Variants in VAV2 observed in about 807,000 individuals in gnomAD.
VAV2 encodes guanine nucleotide exchange factor VAV2.
Under a neutral mutation model 132.5 loss-of-function variants are expected in VAV2, and 67 were observed. The ratio of observed to expected loss-of-function variants is 0.51; its 90% confidence interval spans 0.42 to 0.62. The LOEUF (loss-of-function observed/expected upper bound fraction) is 0.62, where lower values mean the gene tolerates loss of function less well. Among genes scored for constraint, VAV2 ranks in the 20% least tolerant of loss-of-function variants. The probability of loss-of-function intolerance (pLI) is 0.00; values close to 1 mark genes in which losing one functional copy is unlikely to be tolerated. For missense variants in VAV2, 938 were observed against 1,153.6 expected, an observed-to-expected ratio of 0.81 and a Z score of 2.71; for synonymous variants, 492 against 443.5, an observed-to-expected ratio of 1.11 and a Z score of -1.37.
At chr9:133,853,006 C>A (rs945500541) in intron 3 of VAV2, among the ~76,000 whole-genome samples, 5 of 152,336 alleles carry the variant, frequency 3.3e-5, no homozygotes, top group African/African-American at 1.2e-4. Context: ...GAAAACCCCA[C>A]ACACAAGATG....
At chr9:133,925,209 A>G (rs750754476) in intron 2 of VAV2, among the ~76,000 whole-genome samples, 46 of 152,168 alleles carry the variant, frequency 3.0e-4, no homozygotes, top group Non-Finnish European at 5.9e-5. Flanking sequence ...TTATTTTATC[A>G]CAATAATTTT....
Position 133,788,033 on chromosome 9 carries a change from T to G in VAV2, c.1407+321A>C, listed in dbSNP as rs1392997456. 2.0e-5 allele frequency among the ~76,000 whole-genome samples: 3 copies of G among 152,174 alleles called. No individual in the cohort carries two copies. The East Asian group carries it at 5.8e-4, about 29-fold the overall frequency. ...CCAGATGGAAAGCCAAGGTTGAAAG[T>G]CCCACCCTCACTAGAGGCCTTGGGG... is the stretch of plus-strand genomic sequence containing the variant. On this transcript the variant is annotated intron_variant, in intron 15 of 29. Transcript: ENST00000371850. This position sits in a 1 kb window ranked among gnomAD's most constrained non-coding sequence, Gnocchi z 5.3.
chr9:133,852,712 G>A (rs1056235050), intron 3 of VAV2, among the ~76,000 whole-genome samples: 1 of 152,180 alleles, frequency 6.6e-6, no homozygotes, highest in Admixed American at 6.5e-5. Flanking sequence ...ATCTACACCA[G>A]CCACGCAGTA....
chr9:133,969,734 C>T lies in VAV2; in HGVS notation c.204+22341G>A, dbSNP rs1194503246. Among the ~76,000 whole-genome samples the T allele has an allele frequency of 6.6e-6, 1 of 152,114 alleles. No homozygotes were observed. The highest frequency in any genetic ancestry group is 2.4e-5 in the African/African-American group (1 of 41,410). On this transcript the variant is annotated intron_variant, in intron 1 of 29. Coordinates refer to ENST00000371850, the MANE Select transcript of VAV2 (RefSeq NM_001134398.2). This position sits in a 1 kb window ranked among gnomAD's most constrained non-coding sequence, Gnocchi z 5.1. Reference sequence around the variant, plus strand: ...ACCCCAAGCCCACCCACTCCTCCTGCGCTCCAGCGGGGCCGTCCATCTCTC... The same window carrying T: ...ACCCCAAGCCCACCCACTCCTCCTGTGCTCCAGCGGGGCCGTCCATCTCTC...
At chr9:133,915,367 G>A (rs569561358) in intron 2 of VAV2, among the ~76,000 whole-genome samples, 2 of 152,340 alleles carry the variant, frequency 1.3e-5, no homozygotes, top group Non-Finnish European at 2.9e-5. Flanking sequence ...AGGGGATTCA[G>A]CACGATCTGG....
chr9:133,891,203 G>A (rs1174870914), intron 2 of VAV2, among the ~76,000 whole-genome samples: 1 of 147,198 alleles, frequency 6.8e-6, no homozygotes, highest in African/African-American at 2.5e-5. Flanking sequence ...CCACCCTCAG[G>A]AACACAGTCT....
At chr9:133,866,404 G>A (rs1407339596) in intron 2 of VAV2, among the ~76,000 whole-genome samples, 1 of 152,162 alleles carries the variant, frequency 6.6e-6, no homozygotes, top group African/African-American at 2.4e-5. Context: ...GAACCTCCAA[G>A]CAAAACAGCC....
At position 133,824,653 on chromosome 9, in the gene VAV2, C is replaced by T. The variant is rs528548203; in HGVS notation, c.449+9619G>A. On this transcript the variant is annotated intron_variant, in intron 4 of 29. Transcript: ENST00000371850. The surrounding 1 kb of genome is among the most constrained non-coding windows in gnomAD (Gnocchi z 5.2). ...GCACATGTGGGAGGTAGAGGAACCT[C>T]GAGTGAGAAGTGCAGGGGCCCACAA... 1.8e-4 allele frequency among the ~76,000 whole-genome samples: 27 copies of T among 152,060 alleles called. No individual in the cohort carries two copies. The highest frequency in any genetic ancestry group is 2.6e-4 in the Non-Finnish European group (18 of 67,998).
At chr9:133,808,147 A>C (rs923623350) in intron 7 of VAV2, among the ~76,000 whole-genome samples, 2 of 152,150 alleles carry the variant, frequency 1.3e-5, no homozygotes, top group African/African-American at 4.8e-5. Flanking sequence ...GGGCCCTGGC[A>C]GAGGCTGACC....
At position 133,796,480 on chromosome 9, in the gene VAV2, G is replaced by T; in HGVS notation, c.981C>A (p.Asp327Glu). 1 of 1,613,868 alleles carries T rather than the reference G, an allele frequency of 6.2e-7. No individual in the cohort carries two copies. The change falls in exon 11 of 30, where the codon GAC (aspartate) becomes GAA (glutamate). Residue 327 changes from aspartate to glutamate, a missense_variant. By Grantham distance (45) the Asp-to-Glu change is conservative (BLOSUM62 2). Coordinates refer to ENST00000371850, the MANE Select transcript of VAV2 (RefSeq NM_001134398.2). ...CCCTCTGCATGGGGACCACCAGCAG[G>T]TCTTGCAGCTTAAATTTTCCATCCT... ...KVQDGKFKLQDLLVVPMQRVL... is the reference protein window; with the variant it reads ...KVQDGKFKLQELLVVPMQRVL...
intron 3 of VAV2, among the ~76,000 whole-genome samples, chr9:133,839,738 C>G (rs1035327212): frequency 1.3e-5 from 2 of 152,190 alleles, no homozygotes; most frequent in East Asian, 3.9e-4. Context: ...CGTGAGCCAC[C>G]ATGCCCAGCC....
At chr9:133,872,692 G>A (rs894896456) in intron 2 of VAV2, among the ~76,000 whole-genome samples, 7 of 152,018 alleles carry the variant, frequency 4.6e-5, no homozygotes, top group Admixed American at 4.6e-4. Flanking sequence ...CTGGAGCACA[G>A]GAGGAGGCGT....
At chr9:133,861,325 G>A (rs1021648389) in intron 3 of VAV2, 49 bp downstream of exon 3, 11 of 1,572,752 alleles carry the variant, frequency 7.0e-6, no homozygotes, top group Non-Finnish European at 9.5e-6. Context: ...CGCTGGTGTC[G>A]ATGGAGATGA....
intron 4 of VAV2, among the ~76,000 whole-genome samples, chr9:133,829,256 A>G (rs1836170927): frequency 6.6e-6 from 1 of 152,252 alleles, no homozygotes; most frequent in African/African-American, 2.4e-5. Context: ...TTAAGTGGCA[A>G]TATTTTGTGT....
intron 1 of VAV2, among the ~76,000 whole-genome samples, chr9:133,976,189 G>C (rs1042021867): frequency 6.6e-6 from 1 of 151,994 alleles, no homozygotes; most frequent in Non-Finnish European, 1.5e-5. Context: ...CTGGGTGACA[G>C]AGCGAGATTC....
At position 133,879,497 on chromosome 9, in the gene VAV2, G is replaced by C. The variant is rs943650289; in HGVS notation, c.322-18065C>G. ...TGTGTGTCAGAGGCTCACCATAAAT[G>C]TGGGCAAGCCTCCTATAAGAAGGCA... On this transcript the variant is annotated intron_variant, in intron 2 of 29. Transcript: ENST00000371850. This position sits in a 1 kb window ranked among gnomAD's most constrained non-coding sequence, Gnocchi z 4.4. 6.6e-6 allele frequency among the ~76,000 whole-genome samples: 1 copy of C among 152,118 alleles called. No individual in the cohort carries two copies. The highest frequency in any genetic ancestry group is 2.4e-5 in the African/African-American group (1 of 41,404).
chr9:133,797,654 G>A, intron 10 of VAV2, 56 bp downstream of exon 10: 1 of 1,516,350 alleles, frequency 6.6e-7, no homozygotes. Flanking sequence ...ACGAGCTCTG[G>A]CCTGCAAGCT....
intron 1 of VAV2, among the ~76,000 whole-genome samples, chr9:133,948,830 G>C (rs1167323285): frequency 6.6e-6 from 1 of 152,306 alleles, no homozygotes; most frequent in African/African-American, 2.4e-5. Context: ...CGTATCCCTG[G>C]TCTACAGGTG....
intron 12 of VAV2, among the ~76,000 whole-genome samples, chr9:133,793,732 A>G (rs1184440611): frequency 6.6e-6 from 1 of 152,064 alleles, no homozygotes; most frequent in Non-Finnish European, 1.5e-5. Flanking sequence ...CAGCTCATGG[A>G]GCTTGGACCT....
Sources: allele counts gnomAD v4.1 joint callset (sites outside exome capture counted in the v4.1 genomes callset), GRCh38; gene constraint gnomAD v4.1.1; non-coding constraint Gnocchi (gnomAD v3.1); transcripts MANE v1.5; gene names NCBI Gene and HGNC (gene_info 2026-07-23, HGNC 2026-07-21).